OSBP2: variants seen among roughly 807,000 people sequenced by gnomAD.
OSBP2 encodes the protein oxysterol-binding protein 2.
In OSBP2, 66 loss-of-function variants were observed where a neutral mutation model predicts 96.0. The ratio of observed to expected loss-of-function variants is 0.69; its 90% CI spans 0.56 to 0.84. OSBP2 has a LOEUF of 0.84. Among genes scored for constraint, OSBP2 ranks in the 40% least tolerant of loss-of-function variants. The pLI, the probability that OSBP2 is intolerant of heterozygous loss-of-function variation, is 0.00. For synonymous variants in OSBP2, 525 were observed against 520.9 expected (o/e 1.01, Z -0.11); for missense variants, 1,038 against 1,222.7 (o/e 0.85, Z 2.25).
At chr22:30,813,591 A>G (rs937789096) in intron 2 of OSBP2, among the ~76,000 whole-genome samples, 4 of 152,070 alleles carry the variant, frequency 2.6e-5, no homozygotes, top group Non-Finnish European at 5.9e-5. Context: ...TGTCCTGCCC[A>G]TCCTCACCCA....
intron 6 of OSBP2, 104 bp downstream of exon 6, chr22:30,889,338 G>A (rs532051710): frequency 4.2e-4 from 593 of 1,417,418 alleles, no homozygotes; most frequent in East Asian, 1.8e-3. Context: ...GCAGGCCCAT[G>A]CCCCAGTCCA....
chr22:30,895,655 TG>T (rs2040047578), intron 12 of OSBP2, among the ~76,000 whole-genome samples: 1 of 152,126 alleles, frequency 6.6e-6, no homozygotes, highest in Non-Finnish European at 1.5e-5. Flanking sequence ...AAAACAGTAT[TG>T]GGCCTGGTGT....
chr22:30,847,053 C>T (rs907113680), intron 2 of OSBP2, among the ~76,000 whole-genome samples: 1 of 152,146 alleles, frequency 6.6e-6, no homozygotes, highest in Non-Finnish European at 1.5e-5. Context: ...TCTTGGCTCA[C>T]TGCAACTTCC....
intron 2 of OSBP2, among the ~76,000 whole-genome samples, chr22:30,825,899 C>T (rs2038392773): frequency 6.6e-6 from 1 of 152,124 alleles, no homozygotes; most frequent in South Asian, 2.1e-4. Context: ...TTGCAGCTGA[C>T]TGGGTGATGT....
intron 3 of OSBP2, chr22:30,872,300 C>G: frequency 2.2e-6 from 1 of 456,636 alleles, no homozygotes; most frequent in Non-Finnish European, 4.4e-6. Flanking sequence ...ATTTCCCTGT[C>G]CCTCCCAGAA....
chr22:30,856,485 C>G (rs1602364223), intron 2 of OSBP2, among the ~76,000 whole-genome samples: 6 of 145,884 alleles, frequency 4.1e-5, no homozygotes. Flanking sequence ...CTCCCAGATT[C>G]AAGCAATTCT....
intron 2 of OSBP2, among the ~76,000 whole-genome samples, chr22:30,853,205 G>A (rs986239089): frequency 2.6e-5 from 4 of 152,250 alleles, no homozygotes; most frequent in Non-Finnish European, 5.9e-5. Flanking sequence ...CAGCTGTATT[G>A]TATTATCGTA....
chr22:30,894,788 T>A (rs575178995), intron 12 of OSBP2, among the ~76,000 whole-genome samples: 17 of 152,196 alleles, frequency 1.1e-4, no homozygotes, highest in African/African-American at 3.9e-4. Flanking sequence ...TGTCCCCTTA[T>A]CAACAGAAAT....
At chr22:30,705,515 A>G (rs1022254526) in intron 1 of OSBP2, among the ~76,000 whole-genome samples, 2 of 151,606 alleles carry the variant, frequency 1.3e-5, no homozygotes, top group Non-Finnish European at 2.9e-5. Context: ...CTGGTCTCGA[A>G]CTCCCGACTT....
chr22:30,882,159 A>T (rs2039716566), intron 3 of OSBP2, among the ~76,000 whole-genome samples: 1 of 152,102 alleles, frequency 6.6e-6, no homozygotes, highest in Non-Finnish European at 1.5e-5. Flanking sequence ...AGCTGGGGCT[A>T]AGGGTGCTGG....
intron 2 of OSBP2, among the ~76,000 whole-genome samples, chr22:30,833,234 C>T (rs901595789): frequency 1.3e-5 from 2 of 152,120 alleles, no homozygotes; most frequent in Admixed American, 6.5e-5. Flanking sequence ...GCCAGCCGTC[C>T]GCTGTTAGAG....
chr22:30,803,602 A>G (rs893988608), intron 2 of OSBP2, among the ~76,000 whole-genome samples: 11 of 152,230 alleles, frequency 7.2e-5, no homozygotes, highest in African/African-American at 2.7e-4. Context: ...TAGCAGGGGA[A>G]GGCAAGCTTC....
At chr22:30,813,378 T>C (rs1312227151) in intron 2 of OSBP2, among the ~76,000 whole-genome samples, 1 of 151,952 alleles carries the variant, frequency 6.6e-6, no homozygotes, top group Non-Finnish European at 1.5e-5. Context: ...TTCACCATGT[T>C]GGCCAGGCTG....
At chr22:30,697,814 A>G (rs1395967028) in intron 1 of OSBP2, among the ~76,000 whole-genome samples, 1 of 152,172 alleles carries the variant, frequency 6.6e-6, no homozygotes, top group Non-Finnish European at 1.5e-5. Context: ...GATTCCTGAC[A>G]TTTATACGAT....
intron 2 of OSBP2, among the ~76,000 whole-genome samples, chr22:30,849,177 AG>A (rs1192153854): frequency 6.6e-6 from 1 of 152,134 alleles, no homozygotes; most frequent in African/African-American, 2.4e-5. Flanking sequence ...CTGAGGTGGG[AG>A]GATTGCTTGA....
intron 1 of OSBP2, among the ~76,000 whole-genome samples, chr22:30,733,698 A>G (rs1197811219): frequency 6.6e-6 from 1 of 152,178 alleles, no homozygotes; most frequent in Non-Finnish European, 1.5e-5. Context: ...CGCTAACCAT[A>G]GATGGTCTCC....
chr22:30,695,668 G>A, intron 1 of OSBP2, 115 bp downstream of exon 1: 3 of 1,495,022 alleles, frequency 2.0e-6, no homozygotes, highest in Admixed American at 2.2e-5. Flanking sequence ...ATGTTTAGGG[G>A]CATGCATTCC....
At chr22:30,880,974 G>C (rs183584369) in intron 3 of OSBP2, among the ~76,000 whole-genome samples, 2 of 152,270 alleles carry the variant, frequency 1.3e-5, no homozygotes, top group East Asian at 1.9e-4. Flanking sequence ...GAGAGTCCCT[G>C]GTGGTCAGGC....
intron 12 of OSBP2, chr22:30,902,140 C>CAAAAAAAAAAAAAAAAAAAAAA (rs1239083048): frequency 1.2e-5 from 3 of 253,946 alleles, no homozygotes; most frequent in Non-Finnish European, 2.1e-5. Flanking sequence ...AAAAAAAAAC[C>CAAAAAAAAAAAAAAAAAAAAAA]AAAAAAAAAA....
Sources: allele counts gnomAD v4.1 joint callset (sites outside exome capture counted in the v4.1 genomes callset), GRCh38; gene constraint gnomAD v4.1.1; transcripts MANE v1.5; gene names NCBI Gene and HGNC (gene_info 2026-07-23, HGNC 2026-07-21).